The following DRC9 variants were observed in gnomAD, a reference collection of about 807,000 sequenced individuals.
DRC9 encodes the protein dynein regulatory complex protein 9.
the DRC9 span, among the ~76,000 whole-genome samples, chr3:197,890,415 AAAAG>A: frequency 5.3e-5 from 8 of 151,634 alleles, no homozygotes; most frequent in Admixed American, 2.0e-4. Context: ...AAAAAAAAAA[AAAAG>A]AAAAGCACAG....
the DRC9 span, chr3:197,953,987 C>A: frequency 4.6e-4 from 741 of 1,612,088 alleles, 1 homozygote; most frequent in Non-Finnish European, 5.5e-4. Context: ...CCTCTTCTTT[C>A]CCTTTTTAAA....
At chr3:197,942,660 G>C in the DRC9 span, among the ~76,000 whole-genome samples, 9,668 of 152,032 alleles carry the variant, frequency 0.064, 449 homozygotes, top group South Asian at 0.11. Context: ...GCTCACGCCT[G>C]TAATCCCAGC....
chr3:197,908,462 G>T, the DRC9 span, among the ~76,000 whole-genome samples: 1 of 145,316 alleles, frequency 6.9e-6, no homozygotes, highest in African/African-American at 2.6e-5. Flanking sequence ...CCCTTTCCAA[G>T]GCACCCTCCC....
At chr3:197,898,042 A>G in the DRC9 span, among the ~76,000 whole-genome samples, 705 of 151,714 alleles carry the variant, frequency 4.6e-3, 3 homozygotes, top group African/African-American at 0.017. Context: ...CGGCCTCCCA[A>G]AGTGCTGGGA....
chr3:197,912,723 C>A, the DRC9 span: 8 of 1,613,964 alleles, frequency 5.0e-6, no homozygotes, highest in Non-Finnish European at 6.8e-6. Flanking sequence ...GAGTCCGGGC[C>A]TCTTCTTCGG....
chr3:197,932,628 T>C, the DRC9 span, among the ~76,000 whole-genome samples: 1 of 142,450 alleles, frequency 7.0e-6, no homozygotes, highest in African/African-American at 2.7e-5. Context: ...TGAGACTCCG[T>C]CTCAATAAAT....
the DRC9 span, among the ~76,000 whole-genome samples, chr3:197,922,333 G>A: frequency 6.6e-6 from 1 of 152,312 alleles, no homozygotes. Context: ...CCTTATGGTA[G>A]AATGGGAGTT....
chr3:197,892,566 C>T, the DRC9 span: 4 of 1,587,802 alleles, frequency 2.5e-6, no homozygotes, highest in South Asian at 1.1e-5. Flanking sequence ...CCACTCCCTC[C>T]TCAGTGAGCA....
the DRC9 span, among the ~76,000 whole-genome samples, chr3:197,893,947 C>T: frequency 6.6e-6 from 1 of 152,024 alleles, no homozygotes; most frequent in Non-Finnish European, 1.5e-5. Flanking sequence ...AGACTATACT[C>T]AATATTTCTG....
chr3:197,929,025 G>A, the DRC9 span, among the ~76,000 whole-genome samples: 1 of 152,322 alleles, frequency 6.6e-6, no homozygotes, highest in South Asian at 2.1e-4. This position sits in a 1 kb window ranked among gnomAD's most constrained non-coding sequence, Gnocchi z 4.6. Flanking sequence ...CTCCTCTCGG[G>A]AGATCATGGG....
chr3:197,913,458 T>A, the DRC9 span: 1 of 293,342 alleles, frequency 3.4e-6, no homozygotes, highest in South Asian at 4.2e-5. Context: ...AAACTCAGGT[T>A]TGAACGAAGT....
At chr3:197,954,240 A>C in the DRC9 span, 3 of 1,300,718 alleles carry the variant, frequency 2.3e-6, no homozygotes, top group Non-Finnish European at 3.3e-6. Flanking sequence ...GTGGTTGTGA[A>C]ATTGACACCA....
chr3:197,931,297 C>A, the DRC9 span, among the ~76,000 whole-genome samples: 1 of 151,838 alleles, frequency 6.6e-6, no homozygotes, highest in Admixed American at 6.6e-5. Flanking sequence ...GCCTGGCCAA[C>A]ATGGTGAAAC....
the DRC9 span, among the ~76,000 whole-genome samples, chr3:197,894,932 C>T: frequency 3.9e-5 from 6 of 152,062 alleles, no homozygotes; most frequent in Admixed American, 2.6e-4. Context: ...GGTGTGGTGG[C>T]GCCTGTGGTC....
At chr3:197,891,304 C>G in the DRC9 span, 2 of 534,816 alleles carry the variant, frequency 3.7e-6, no homozygotes, top group Non-Finnish European at 6.8e-6. Flanking sequence ...TTGGCAAATT[C>G]TAATAATAAC....
At chr3:197,948,408 T>C in the DRC9 span, among the ~76,000 whole-genome samples, 1 of 152,200 alleles carries the variant, frequency 6.6e-6, no homozygotes, top group Non-Finnish European at 1.5e-5. Context: ...TCACAATTTG[T>C]TACGTTAGTG....
the DRC9 span, among the ~76,000 whole-genome samples, chr3:197,910,763 T>G: frequency 3.5e-4 from 53 of 152,172 alleles, no homozygotes; most frequent in Non-Finnish European, 4.4e-4. Context: ...GTGGATTACC[T>G]GAGGTCAGGA....
chr3:197,894,934 C>T, the DRC9 span, among the ~76,000 whole-genome samples: 1 of 152,016 alleles, frequency 6.6e-6, no homozygotes, highest in Admixed American at 6.6e-5. Flanking sequence ...TGTGGTGGCG[C>T]CTGTGGTCCC....
At chr3:197,945,706 C>T in the DRC9 span, 3 of 979,450 alleles carry the variant, frequency 3.1e-6, no homozygotes, top group Non-Finnish European at 4.7e-6. Flanking sequence ...GAAAGAAACA[C>T]TGAGATTAGT....
Sources: gnomAD v4.1 joint callset for allele counts (sites outside exome capture counted in the v4.1 genomes callset) on GRCh38, gnomAD v4.1.1 for gene constraint, Gnocchi (gnomAD v3.1) non-coding constraint, MANE v1.5 for transcripts, NCBI Gene and HGNC (gene_info 2026-07-23, HGNC 2026-07-21) for gene names.